The following GSTA2 variants were observed in gnomAD, a reference collection of about 807,000 sequenced individuals.
GSTA2 encodes glutathione S-transferase A2.
GSTA2 carries 27 observed loss-of-function variants against 22.4 expected under a neutral mutation model. The observed-to-expected ratio is 1.21, with a 90% CI of 0.89 to 1.67. GSTA2 has a LOEUF of 1.67. GSTA2 is among the 40% of genes most tolerant of loss of function. The pLI is 0.00. For synonymous variants in GSTA2, 121 were observed against 86.8 expected (o/e 1.39, Z -2.19); for missense variants, 302 against 260.2 (o/e 1.16, Z -1.11).
In GSTA2 at chr6:52,750,379, A is replaced by C. The variant is rs1581769747; in HGVS notation, c.*198T>G. 6.7e-6 allele frequency: 3 copies of C among 447,694 alleles called. No homozygotes were observed. The East Asian group carries it at 1.2e-4, about 18-fold the overall frequency. 27.7% of individuals were successfully genotyped at this position (447,694 alleles called of 1,614,324 possible). ...GGCTAGGAGGAGATTGGAAAACTGA[A>C]TTCACATCAGATCCTAATGAGAAGA... On this transcript the variant is annotated 3_prime_UTR_variant, in exon 7 of 7. Transcript: ENST00000493422.
At chr6:52,753,861 G>T (rs73740520) in intron 4 of GSTA2, among the ~76,000 whole-genome samples, 1 of 152,100 alleles carries the variant, frequency 6.6e-6, no homozygotes, top group Non-Finnish European at 1.5e-5. Context: ...TACCATTAGC[G>T]GTATTCTTCA....
intron 5 of GSTA2, 43 bp downstream of exon 5, chr6:52,752,811 C>T (rs1581771770): frequency 1.9e-6 from 3 of 1,611,702 alleles, no homozygotes; most frequent in Admixed American, 3.3e-5. Context: ...TTTCTACTGG[C>T]TTCTAAACTC....
At chr6:52,752,114 C>G (rs956950131) in intron 5 of GSTA2, among the ~76,000 whole-genome samples, 1 of 152,182 alleles carries the variant, frequency 6.6e-6, no homozygotes, top group Admixed American at 6.5e-5. Flanking sequence ...AGTGACTCCA[C>G]CATCGTGACA....
rs1417062629 is a variant in GSTA2, at chr6:52,751,556, GA to G, written c.546+20del. On this transcript the variant is annotated intron_variant, in intron 6 of 6. Transcript: ENST00000493422. ...ATGGGAGATGTGGGTCTGCCTCTCT[GA>G]AGACTGTGAAATGGGTCACCTTCAG... is the stretch of plus-strand genomic sequence containing the variant. The G allele has an allele frequency of 6.2e-7, 1 of 1,613,738 alleles. No individual in the cohort carries two copies.
chr6:52,750,482 A>G lies in GSTA2; in HGVS notation c.*95T>C. On this transcript the variant is annotated 3_prime_UTR_variant, in exon 7 of 7. Coordinates refer to ENST00000493422, the MANE Select transcript of GSTA2 (RefSeq NM_000846.5). ...TAATTTGAAAGAGTTCATTAGCTTCACAACAGGCACAATCAACACTTAGGT... is the reference window on the plus strand; with the variant it reads ...TAATTTGAAAGAGTTCATTAGCTTCGCAACAGGCACAATCAACACTTAGGT... 2.5e-6 allele frequency: 3 copies of G among 1,191,718 alleles called. No individual in the cohort carries two copies. Among genetic ancestry groups the G allele is most frequent in the East Asian group, 4.7e-5 (2 of 42,450 alleles). The allele number at this position is 1,191,718 out of a possible 1,614,324, so 73.8% of individuals were successfully genotyped here.
intron 5 of GSTA2, among the ~76,000 whole-genome samples, 155 bp downstream of exon 5, chr6:52,752,699 T>G (rs1053273904): frequency 7.9e-5 from 12 of 152,214 alleles, no homozygotes; most frequent in Non-Finnish European, 7.3e-5. Context: ...TTTCTCCAAG[T>G]CTATTTTCAT....
chr6:52,759,584 T>TG (rs1762917165), intron 1 of GSTA2, among the ~76,000 whole-genome samples: 1 of 124,316 alleles, frequency 8.0e-6, no homozygotes, highest in African/African-American at 3.2e-5. Flanking sequence ...TTTTTTTTTT[T>TG]TTTTTTTTTT....
chr6:52,758,489 G>A (rs1762889861), intron 1 of GSTA2, among the ~76,000 whole-genome samples: 1 of 152,280 alleles, frequency 6.6e-6, no homozygotes, highest in East Asian at 1.9e-4. Flanking sequence ...GGACTAAAAT[G>A]AAATCATGCC....
intron 3 of GSTA2, among the ~76,000 whole-genome samples, chr6:52,755,881 A>T (rs1387319078): frequency 2.0e-5 from 3 of 152,102 alleles, no homozygotes; most frequent in African/African-American, 7.2e-5. Context: ...AACTCAAGAC[A>T]GTGGCCACAT....
chr6:52,759,584 TTTTTTTTTTTTTTTTTTG>T (rs1762917336), intron 1 of GSTA2, among the ~76,000 whole-genome samples: 1 of 124,314 alleles, frequency 8.0e-6, no homozygotes, highest in Non-Finnish European at 1.7e-5. Context: ...TTTTTTTTTT[TTTTTTTTTTTTTTTTTTG>T]AGACAGAGTT....
chr6:52,754,478 T>A (rs1762803309), intron 4 of GSTA2, among the ~76,000 whole-genome samples: 1 of 152,184 alleles, frequency 6.6e-6, no homozygotes, highest in Non-Finnish European at 1.5e-5. Context: ...CCAGTTGATA[T>A]AATTGGTTGG....
Position 52,753,011 on chromosome 6 carries a change from A to T in GSTA2, c.273-16T>A. 1 of 1,581,932 alleles carries T rather than the reference A, an allele frequency of 6.3e-7. No individual in the cohort carries two copies. Among genetic ancestry groups the T allele is most frequent in the Non-Finnish European group, 8.6e-7 (1 of 1,164,708 alleles). ...CATATCAATCCTGAAAGACAAAAAC[A>T]ACCAAATGGTCAAATATCTTTTGCC... On this transcript the variant is annotated splice_polypyrimidine_tract_variant and intron_variant, in intron 4 of 6. Transcript: ENST00000493422.
At chr6:52,762,118 C>T (rs1052498831) in intron 1 of GSTA2, among the ~76,000 whole-genome samples, 2 of 148,708 alleles carry the variant, frequency 1.3e-5, no homozygotes, top group African/African-American at 5.2e-5. Flanking sequence ...GGACACAAAA[C>T]ACTGCGGAAG....
chr6:52,751,615 G>A lies in GSTA2; in HGVS notation c.508C>T (p.Leu170Phe), dbSNP rs1166392596. 14 of 1,614,020 alleles carry A rather than the reference G, an allele frequency of 8.7e-6. No individual in the cohort carries two copies. Among genetic ancestry groups the A allele is most frequent in the African/African-American group, 1.3e-5 (1 of 74,926 alleles). The change falls in exon 6 of 7, where the codon CTT becomes TTT. Residue 170 changes from leucine to phenylalanine, a missense_variant. Leu to Phe is a conservative substitution (Grantham distance 22). Coordinates refer to ENST00000493422, the MANE Select transcript of GSTA2 (RefSeq NM_000846.5). The stretch of plus-strand genomic sequence containing the variant: ...AAGCTGGAAATAAGGCTAGAGTCAA[G>A]CTCTTCCACGTAGTAGAGAAGTTCC... ...LVELLYYVEE[L>F]DSSLISSFPL...
intron 3 of GSTA2, 39 bp from the exon 4 acceptor site, chr6:52,755,114 T>C (rs1762816042): frequency 1.2e-6 from 2 of 1,608,516 alleles, no homozygotes; most frequent in Non-Finnish European, 8.5e-7. Context: ...GAAGTGTCTA[T>C]GAAACCCACC....
At chr6:52,751,471 C>G (rs1288111109) in intron 6 of GSTA2, 106 bp downstream of exon 6, 11 of 1,596,008 alleles carry the variant, frequency 6.9e-6, no homozygotes, top group Non-Finnish European at 7.7e-6. Flanking sequence ...GCACCAAAGG[C>G]CTGGAGAAGG....
At position 52,756,779 on chromosome 6, in the gene GSTA2, A is replaced by G. The variant is rs556831480; in HGVS notation, c.88-470T>C. 9.2e-5 allele frequency among the ~76,000 whole-genome samples: 14 copies of G among 152,302 alleles called. No homozygotes were observed. The South Asian group carries it at 2.9e-3, about 32-fold the overall frequency. On this transcript the variant is annotated intron_variant, in intron 2 of 6. Coordinates refer to ENST00000493422, the MANE Select transcript of GSTA2 (RefSeq NM_000846.5). ...ATTTGTATCGCCCCACTTCTCAGGA[A>G]CCCTGCTAAGGGTGACATAGGTCGC...
At chr6:52,755,160 T>C (rs1165648823) in intron 3 of GSTA2, 85 bp from the exon 4 acceptor site, 8 of 1,543,080 alleles carry the variant, frequency 5.2e-6, no homozygotes, top group Non-Finnish European at 7.0e-6. Context: ...TTGAAATGAC[T>C]AAATTTGTAA....
intron 1 of GSTA2, 129 bp from the exon 2 acceptor site, chr6:52,758,106 G>C: frequency 1.7e-6 from 1 of 596,530 alleles, no homozygotes; most frequent in Non-Finnish European, 2.9e-6. Context: ...CGGTGTTGGA[G>C]GAGTTCCCGG....
Sources: allele counts gnomAD v4.1 joint callset (sites outside exome capture counted in the v4.1 genomes callset), GRCh38; gene constraint gnomAD v4.1.1; transcripts MANE v1.5; gene names NCBI Gene and HGNC (gene_info 2026-07-23, HGNC 2026-07-21).